The following SAMD8 variants were observed in gnomAD, a reference collection of about 807,000 sequenced individuals.
SAMD8 encodes sterile alpha motif domain containing 8, also known as sphingomyelin synthase-related protein 1.
A neutral mutation model predicts 42.0 loss-of-function variants in SAMD8; 20 were observed. That is an observed-to-expected ratio of 0.48 (90% CI 0.34 to 0.69). The LOEUF is 0.69. Ranked by LOEUF, SAMD8 falls within the 30% of genes least tolerant of loss-of-function variation. The pLI, the probability that SAMD8 is intolerant of heterozygous loss-of-function variation, is 0.01. For synonymous variants in SAMD8, 162 were observed against 173.0 expected (o/e 0.94, Z 0.50); for missense variants, 328 against 511.6 (o/e 0.64, Z 3.46).
intron 2 of SAMD8, among the ~76,000 whole-genome samples, chr10:75,154,542 C>G (rs1383556992): frequency 6.6e-6 from 1 of 152,134 alleles, no homozygotes; most frequent in Non-Finnish European, 1.5e-5. Flanking sequence ...TGTGTAAGGA[C>G]TTGAGGACCA....
intron 1 of SAMD8, among the ~76,000 whole-genome samples, chr10:75,137,097 G>A (rs1839905199): frequency 6.6e-6 from 1 of 152,170 alleles, no homozygotes; most frequent in Admixed American, 6.5e-5. Context: ...AGTAAAAGCA[G>A]GGACTTGAAC....
chr10:75,123,700 C>G, intron 1 of SAMD8, among the ~76,000 whole-genome samples: 1 of 148,180 alleles, frequency 6.7e-6, no homozygotes, highest in East Asian at 2.0e-4. Context: ...TCTTTTCTTT[C>G]TTTTTTTTTT....
chr10:75,116,096 T>C (rs969559771), intron 1 of SAMD8, among the ~76,000 whole-genome samples: 1 of 151,814 alleles, frequency 6.6e-6, no homozygotes, highest in Non-Finnish European at 1.5e-5. Flanking sequence ...TGTCTAAGTA[T>C]TTTTTGGTAG....
At chr10:75,160,586 G>T (rs1025509218) in intron 2 of SAMD8, among the ~76,000 whole-genome samples, 3 of 152,172 alleles carry the variant, frequency 2.0e-5, no homozygotes, top group African/African-American at 7.2e-5. Flanking sequence ...TAATATAAGG[G>T]ATTGAATACA....
rs1328626783 is a variant in SAMD8, at chr10:75,181,658, A to G, written c.*4966A>G. 3 of 152,188 alleles carry G rather than the reference A, an allele frequency of 2.0e-5. No individual in the cohort carries two copies. The highest frequency in any genetic ancestry group is 7.2e-5 in the African/African-American group (3 of 41,458). 9.4% of individuals were successfully genotyped at this position (152,188 alleles called of 1,614,324 possible). A position where few individuals can be genotyped will look rare whatever the true frequency, so the allele number is the denominator to read the frequency against. On this transcript the variant is annotated 3_prime_UTR_variant, in exon 6 of 6. Coordinates refer to ENST00000542569, the MANE Select transcript of SAMD8 (RefSeq NM_001174156.2). ...TGGCAGGAGAAAGAACACTATGGTA[A>G]TTTCATTGTTACTTCAGGTCTCTTT... is the stretch of plus-strand genomic sequence containing the variant.
intron 1 of SAMD8, among the ~76,000 whole-genome samples, chr10:75,131,541 C>A (rs1485706838): frequency 6.6e-6 from 1 of 151,652 alleles, no homozygotes; most frequent in Non-Finnish European, 1.5e-5. Context: ...GTCTATAATA[C>A]CAAAATCTAA....
intron 2 of SAMD8, among the ~76,000 whole-genome samples, chr10:75,160,342 G>A (rs373849319): frequency 6.0e-5 from 9 of 149,956 alleles, no homozygotes; most frequent in South Asian, 2.1e-4. Flanking sequence ...GAGTACAGGC[G>A]CCCGCCACCA....
intron 4 of SAMD8, among the ~76,000 whole-genome samples, chr10:75,170,568 A>G (rs999502652): frequency 6.6e-6 from 1 of 151,898 alleles, no homozygotes; most frequent in Non-Finnish European, 1.5e-5. Flanking sequence ...TCTTTTTCCA[A>G]AAAGGAAAAG....
intron 2 of SAMD8, among the ~76,000 whole-genome samples, chr10:75,153,322 T>C (rs1053203788): frequency 1.3e-5 from 2 of 152,040 alleles, no homozygotes; most frequent in Admixed American, 1.3e-4. Context: ...CTTCTAAAAG[T>C]GCCTTTGCTG....
chr10:75,142,540 G>A (rs758518654), intron 1 of SAMD8, among the ~76,000 whole-genome samples: 21 of 151,970 alleles, frequency 1.4e-4, no homozygotes, highest in Non-Finnish European at 2.8e-4. Flanking sequence ...AGGTTCAAGC[G>A]ATTCTTCTGC....
At chr10:75,135,248 T>C (rs902116722) in intron 1 of SAMD8, among the ~76,000 whole-genome samples, 1 of 139,368 alleles carries the variant, frequency 7.2e-6, no homozygotes, top group Non-Finnish European at 1.6e-5. Context: ...AGGTCGGGAG[T>C]TCAAGACCAG....
At chr10:75,135,096 T>C (rs1035271954) in intron 1 of SAMD8, among the ~76,000 whole-genome samples, 9 of 152,006 alleles carry the variant, frequency 5.9e-5, no homozygotes, top group Admixed American at 4.6e-4. Flanking sequence ...AAATGATAAC[T>C]TTAAAATTAT....
At chr10:75,164,509 C>T in intron 2 of SAMD8, 136 bp from the exon 3 acceptor site, 8 of 1,399,302 alleles carry the variant, frequency 5.7e-6, no homozygotes, top group Non-Finnish European at 6.5e-6. Context: ...CCAGTTTCTC[C>T]AAATATCATT....
At chr10:75,155,253 A>C in intron 2 of SAMD8, among the ~76,000 whole-genome samples, 1 of 152,162 alleles carries the variant, frequency 6.6e-6, no homozygotes, top group Non-Finnish European at 1.5e-5. Context: ...CAGAGATGGG[A>C]AAACTGTGGA....
chr10:75,142,389 G>A (rs990011997), intron 1 of SAMD8, among the ~76,000 whole-genome samples: 5 of 151,940 alleles, frequency 3.3e-5, no homozygotes, highest in African/African-American at 1.2e-4. Flanking sequence ...GTTAACATAT[G>A]TTTTACATAT....
intron 1 of SAMD8, among the ~76,000 whole-genome samples, chr10:75,103,133 G>A (rs1367368652): frequency 1.3e-5 from 2 of 152,190 alleles, no homozygotes; most frequent in Non-Finnish European, 2.9e-5. Flanking sequence ...GGCCTTCAAG[G>A]GTATTATAGA....
intron 1 of SAMD8, among the ~76,000 whole-genome samples, chr10:75,131,847 A>T (rs1215960610): frequency 6.6e-6 from 1 of 152,186 alleles, no homozygotes; most frequent in African/African-American, 2.4e-5. Context: ...TAAATACTCT[A>T]AACATCTTGG....
chr10:75,109,225 T>A (rs1848705965), upstream of SAMD8: 1 of 1,453,494 alleles, frequency 6.9e-7, no homozygotes, highest in African/African-American at 1.4e-5. Flanking sequence ...CATTTCTCCT[T>A]CCCAGAGATT....
intron 1 of SAMD8, among the ~76,000 whole-genome samples, chr10:75,114,520 A>G (rs1848834556): frequency 6.6e-6 from 1 of 152,190 alleles, no homozygotes; most frequent in African/African-American, 2.4e-5. Context: ...TTAGATCCTC[A>G]ATACTTCTTC....
Sources: gnomAD v4.1 joint callset for allele counts (sites outside exome capture counted in the v4.1 genomes callset) on GRCh38, gnomAD v4.1.1 for gene constraint, MANE v1.5 for transcripts, NCBI Gene and HGNC (gene_info 2026-07-23, HGNC 2026-07-21) for gene names.